TMEM117: variants seen among roughly 807,000 people sequenced by gnomAD.
TMEM117 encodes transmembrane protein 117.
TMEM117 carries 27 observed loss-of-function variants against 52.4 expected under a neutral mutation model. The observed-to-expected ratio is 0.51, with a 90% CI of 0.38 to 0.71. The LOEUF is 0.71. Ranked by LOEUF, TMEM117 falls within the 30% of genes least tolerant of loss-of-function variation. The pLI, the probability that TMEM117 is intolerant of heterozygous loss-of-function variation, is 0.00. For missense variants in TMEM117, 556 were observed against 630.5 expected, an observed-to-expected ratio of 0.88 and a Z score of 1.26; for synonymous variants, 215 against 206.3, an observed-to-expected ratio of 1.04 and a Z score of -0.36.
intron 3 of TMEM117, among the ~76,000 whole-genome samples, chr12:44,021,477 G>C (rs751319788): frequency 1.3e-5 from 2 of 152,202 alleles, no homozygotes; most frequent in Non-Finnish European, 2.9e-5. Flanking sequence ...GTATTAGCTT[G>C]ATTTGGCCTC....
intron 3 of TMEM117, among the ~76,000 whole-genome samples, chr12:44,134,640 C>A (rs1297909113): frequency 1.3e-5 from 2 of 152,134 alleles, no homozygotes; most frequent in African/African-American, 4.8e-5. Flanking sequence ...ATTTGAGAAC[C>A]AACCTCAGTC....
chr12:44,294,296 A>C (rs1950740988), intron 5 of TMEM117, among the ~76,000 whole-genome samples: 1 of 152,158 alleles, frequency 6.6e-6, no homozygotes, highest in Non-Finnish European at 1.5e-5. Flanking sequence ...GTGAGGAATA[A>C]ATTCTAAGAT....
chr12:43,938,737 T>C (rs1592377863), intron 2 of TMEM117, among the ~76,000 whole-genome samples: 1 of 152,172 alleles, frequency 6.6e-6, no homozygotes, highest in Non-Finnish European at 1.5e-5. Context: ...TGGTGGCTCA[T>C]GCCTGTAATC....
chr12:44,304,710 C>T (rs188198343), intron 6 of TMEM117, among the ~76,000 whole-genome samples: 1 of 152,118 alleles, frequency 6.6e-6, no homozygotes, highest in Non-Finnish European at 1.5e-5. Flanking sequence ...CATTTCTGGG[C>T]CAGAAGGGAA....
At chr12:44,328,171 C>A (rs1951221114) in intron 6 of TMEM117, among the ~76,000 whole-genome samples, 1 of 152,102 alleles carries the variant, frequency 6.6e-6, no homozygotes, top group Admixed American at 6.6e-5. Context: ...AGAGTTGATA[C>A]TAATTGTATT....
At chr12:44,224,958 A>G (rs546890464) in intron 5 of TMEM117, among the ~76,000 whole-genome samples, 1 of 152,266 alleles carries the variant, frequency 6.6e-6, no homozygotes, top group East Asian at 1.9e-4. Context: ...GCTTCTATGC[A>G]GCATCTGCCC....
chr12:43,886,853 T>A (rs772181500), intron 2 of TMEM117, among the ~76,000 whole-genome samples: 125 of 152,216 alleles, frequency 8.2e-4, no homozygotes, highest in Non-Finnish European at 1.1e-3. Context: ...CTCACCTATT[T>A]TCTCTTTTTT....
Position 44,009,709 on chromosome 12 carries a change from C to A in TMEM117, c.410+65367C>A, listed in dbSNP as rs529594004. The A allele has an allele frequency of 1.2e-5, 3 of 248,550 alleles. No homozygotes were observed. The East Asian group carries it at 2.8e-4, about 24-fold the overall frequency. The allele number at this position is 248,550 out of a possible 1,614,324, so 15.4% of individuals were successfully genotyped here. A position where few individuals can be genotyped will look rare whatever the true frequency, so the allele number is the denominator to read the frequency against. ...CTGTTCCTCCCAGGAGCACTGCCTT[C>A]TCTCCCAGCTCATGGGCTGTGACCT... On this transcript the variant is annotated intron_variant, in intron 3 of 7. Transcript: ENST00000266534.
intron 2 of TMEM117, among the ~76,000 whole-genome samples, chr12:43,883,590 AT>A (rs1290389409): frequency 6.6e-6 from 1 of 152,246 alleles, no homozygotes; most frequent in Non-Finnish European, 1.5e-5. Context: ...ATGAGTGGTT[AT>A]AAGGGAATGA....
At chr12:44,189,419 A>G (rs1592592878) in intron 4 of TMEM117, among the ~76,000 whole-genome samples, 1 of 152,336 alleles carries the variant, frequency 6.6e-6, no homozygotes, top group East Asian at 1.9e-4. Context: ...TTGAGAAGCT[A>G]GAGATGCTAA....
At chr12:43,835,646 C>T (rs1368118694), upstream of TMEM117, among the ~76,000 whole-genome samples, 2 of 152,170 alleles carry the variant, frequency 1.3e-5, no homozygotes, top group Admixed American at 1.3e-4. Flanking sequence ...GTTTGTAGCT[C>T]TTCGAGGACA....
chr12:44,086,820 T>C (rs1947575774), intron 3 of TMEM117, among the ~76,000 whole-genome samples: 1 of 152,002 alleles, frequency 6.6e-6, no homozygotes, highest in African/African-American at 2.4e-5. Flanking sequence ...ACAATACTTA[T>C]GGCTTATATT....
intron 3 of TMEM117, among the ~76,000 whole-genome samples, chr12:44,001,348 G>A (rs1400286811): frequency 6.6e-6 from 1 of 152,194 alleles, no homozygotes; most frequent in African/African-American, 2.4e-5. Flanking sequence ...AAGTACAGGA[G>A]AGGTGCTCTA....
chr12:43,981,568 C>T (rs1333890130), intron 3 of TMEM117, among the ~76,000 whole-genome samples: 1 of 152,126 alleles, frequency 6.6e-6, no homozygotes, highest in Non-Finnish European at 1.5e-5. Context: ...GATAGACTGC[C>T]TATCAGGGAG....
At position 44,299,792 on chromosome 12, in the gene TMEM117, A is replaced by G. The variant is rs1950816600; in HGVS notation, c.768+53A>G. ...AGCTGCTGCATGCTCTGTTCCCAGTATAACAAACAGGATATGGCAACAGGC... is the reference window on the plus strand; with the variant it reads ...AGCTGCTGCATGCTCTGTTCCCAGTGTAACAAACAGGATATGGCAACAGGC... On this transcript the variant is annotated intron_variant, in intron 6 of 7. Coordinates refer to ENST00000266534, the MANE Select transcript of TMEM117 (RefSeq NM_032256.3). The G allele has an allele frequency of 2.5e-6, 4 of 1,596,712 alleles. No individual in the cohort carries two copies. The African/African-American group carries it at 5.4e-5, about 21-fold the overall frequency.
At chr12:44,142,608 A>G (rs1948586235) in intron 3 of TMEM117, among the ~76,000 whole-genome samples, 1 of 152,146 alleles carries the variant, frequency 6.6e-6, no homozygotes, top group Non-Finnish European at 1.5e-5. Context: ...AGTTTTACCA[A>G]TACTCTAAAT....
At chr12:43,865,130 C>T (rs994118072) in intron 2 of TMEM117, among the ~76,000 whole-genome samples, 1 of 152,172 alleles carries the variant, frequency 6.6e-6, no homozygotes, top group African/African-American at 2.4e-5. Flanking sequence ...CTGTAACACT[C>T]ACTGCGAGGG....
At chr12:44,374,669 A>G (rs1184119701) in intron 6 of TMEM117, among the ~76,000 whole-genome samples, 1 of 145,914 alleles carries the variant, frequency 6.9e-6, no homozygotes, top group Non-Finnish European at 1.5e-5. Flanking sequence ...TGTGTGTATG[A>G]GATTTTTATC....
At chr12:43,893,094 T>G (rs757043409) in intron 2 of TMEM117, among the ~76,000 whole-genome samples, 16 of 152,206 alleles carry the variant, frequency 1.1e-4, no homozygotes, top group Non-Finnish European at 2.1e-4. Context: ...TTTGGTAAAA[T>G]AGGCAACAAA....
Sources: gnomAD v4.1 joint callset for allele counts (sites outside exome capture counted in the v4.1 genomes callset) on GRCh38, gnomAD v4.1.1 for gene constraint, MANE v1.5 for transcripts, NCBI Gene and HGNC (gene_info 2026-07-23, HGNC 2026-07-21) for gene names.